PRKD1: variants seen among roughly 807,000 people sequenced by gnomAD.
PRKD1 encodes protein kinase D1, also known as serine/threonine-protein kinase D1.
A neutral mutation model predicts 95.9 loss-of-function variants in PRKD1; 63 were observed. The ratio of observed to expected loss-of-function variants is 0.66; its 90% CI spans 0.54 to 0.81. The LOEUF (loss-of-function observed/expected upper bound fraction) is 0.81, where lower values mean the gene tolerates loss of function less well. Ranked by LOEUF, PRKD1 falls within the 30% of genes least tolerant of loss-of-function variation. The pLI, the probability that PRKD1 is intolerant of heterozygous loss-of-function variation, is 0.00. For missense variants in PRKD1, 1,048 were observed against 1,165.3 expected (o/e 0.90, Z 1.47); for synonymous variants, 425 against 423.1 (o/e 1.00, Z -0.05).
intron 1 of PRKD1, among the ~76,000 whole-genome samples, chr14:29,804,173 C>T (rs774738830): frequency 6.8e-6 from 1 of 147,916 alleles, no homozygotes. Context: ...ACTCAGAAGG[C>T]GAAGGTTGCA....
chr14:29,688,625 A>G (rs939861151), intron 2 of PRKD1, among the ~76,000 whole-genome samples: 1 of 152,112 alleles, frequency 6.6e-6, no homozygotes, highest in Non-Finnish European at 1.5e-5. Context: ...TTAAGTCAAG[A>G]TGGATTAAAG....
At chr14:29,870,091 C>G (rs11847656) in intron 1 of PRKD1, among the ~76,000 whole-genome samples, 7,169 of 152,150 alleles carry the variant, frequency 0.047, 330 homozygotes, top group African/African-American at 0.12. Flanking sequence ...TCAGGTGAAA[C>G]CCTTGGTTCA....
intron 1 of PRKD1, among the ~76,000 whole-genome samples, chr14:29,897,769 T>C (rs78916685): frequency 0.021 from 3,240 of 152,234 alleles, 62 homozygotes; most frequent in East Asian, 0.093. Flanking sequence ...GTTGCTTCCA[T>C]ACAATCTCAT....
At chr14:29,878,607 C>T (rs1184946012) in intron 1 of PRKD1, among the ~76,000 whole-genome samples, 1 of 152,124 alleles carries the variant, frequency 6.6e-6, no homozygotes, top group Non-Finnish European at 1.5e-5. Flanking sequence ...CATGCTACAA[C>T]ATGGATGAGC....
intron 1 of PRKD1, among the ~76,000 whole-genome samples, chr14:29,751,765 C>T (rs921894255): frequency 1.3e-5 from 2 of 152,070 alleles, no homozygotes; most frequent in Non-Finnish European, 1.5e-5. Context: ...ACTCTGACTT[C>T]GAGATTGGCC....
At chr14:29,755,527 AC>A (rs1422390162) in intron 1 of PRKD1, among the ~76,000 whole-genome samples, 1 of 152,130 alleles carries the variant, frequency 6.6e-6, no homozygotes, top group Non-Finnish European at 1.5e-5. Flanking sequence ...AAACAAACTT[AC>A]CCCTGGTTGA....
intron 1 of PRKD1, among the ~76,000 whole-genome samples, chr14:29,823,358 C>T (rs929282832): frequency 6.6e-6 from 1 of 152,084 alleles, no homozygotes; most frequent in African/African-American, 2.4e-5. Flanking sequence ...AATTCACAAG[C>T]TGTTATTTTT....
intron 13 of PRKD1, among the ~76,000 whole-genome samples, chr14:29,618,390 G>C (rs1594366163): frequency 6.6e-6 from 1 of 151,988 alleles, no homozygotes; most frequent in African/African-American, 2.4e-5. Flanking sequence ...TGAGTAGCTG[G>C]GACTACAGAT....
intron 13 of PRKD1, among the ~76,000 whole-genome samples, chr14:29,604,113 A>G (rs1457501401): frequency 2.0e-5 from 3 of 152,220 alleles, no homozygotes; most frequent in Non-Finnish European, 4.4e-5. Flanking sequence ...AAGAAAATAA[A>G]GAATTGACTA....
At chr14:29,744,784 T>C (rs1594478345) in intron 1 of PRKD1, among the ~76,000 whole-genome samples, 1 of 152,138 alleles carries the variant, frequency 6.6e-6, no homozygotes, top group East Asian at 1.9e-4. Flanking sequence ...TAGCCTCAGG[T>C]GATCCACCCG....
intron 1 of PRKD1, among the ~76,000 whole-genome samples, chr14:29,865,026 C>T (rs151175066): frequency 1.3e-5 from 2 of 152,262 alleles, no homozygotes; most frequent in African/African-American, 4.8e-5. Flanking sequence ...TTTTCTGAGA[C>T]ACAAGTCACA....
chr14:29,885,804 TAAAAAA>T (rs759317394), intron 1 of PRKD1, among the ~76,000 whole-genome samples: 3,339 of 53,460 alleles, frequency 0.062, 223 homozygotes, highest in African/African-American at 0.19. Context: ...CCATCTTTAC[TAAAAAA>T]AAAAAAAAAA....
At chr14:29,823,785 C>A (rs999968384) in intron 1 of PRKD1, among the ~76,000 whole-genome samples, 2 of 152,090 alleles carry the variant, frequency 1.3e-5, no homozygotes, top group Non-Finnish European at 2.9e-5. Context: ...TGTAAAAATT[C>A]CAAAATATTA....
chr14:29,899,614 T>A (rs549992640), intron 1 of PRKD1, among the ~76,000 whole-genome samples: 1 of 152,174 alleles, frequency 6.6e-6, no homozygotes, highest in Non-Finnish European at 1.5e-5. Flanking sequence ...GCCACTGCAC[T>A]CCATACTGGG....
chr14:29,618,258 A>AT (rs34749231), intron 13 of PRKD1, among the ~76,000 whole-genome samples: 1,515 of 145,482 alleles, frequency 0.01, 27 homozygotes, highest in African/African-American at 0.028. Context: ...ATCTACATTC[A>AT]TTTTTTTTTT....
chr14:29,697,141 GT>G (rs1392295472), intron 2 of PRKD1, among the ~76,000 whole-genome samples: 12 of 149,468 alleles, frequency 8.0e-5, no homozygotes, highest in African/African-American at 3.0e-4. Flanking sequence ...CCGACAGTTT[GT>G]AACCACATGT....
chr14:29,583,351 G>A (rs1291643523), intron 16 of PRKD1, among the ~76,000 whole-genome samples: 1 of 152,010 alleles, frequency 6.6e-6, no homozygotes, highest in Non-Finnish European at 1.5e-5. Context: ...TATTCTCTTG[G>A]GTTCCCTGTA....
intron 1 of PRKD1, among the ~76,000 whole-genome samples, chr14:29,827,182 TACTC>T (rs1431868732): frequency 4.0e-5 from 6 of 151,774 alleles, no homozygotes; most frequent in Non-Finnish European, 7.4e-5. Flanking sequence ...CTAAATAACT[TACTC>T]ATGTAACCAA....
At chr14:29,736,332 A>G (rs1252244914) in intron 1 of PRKD1, among the ~76,000 whole-genome samples, 7 of 152,230 alleles carry the variant, frequency 4.6e-5, no homozygotes, top group Admixed American at 2.6e-4. Flanking sequence ...AATAAAACTT[A>G]GCAAAATCGT....
Sources: allele counts gnomAD v4.1 joint callset (sites outside exome capture counted in the v4.1 genomes callset), GRCh38; gene constraint gnomAD v4.1.1; transcripts MANE v1.5; gene names NCBI Gene and HGNC (gene_info 2026-07-23, HGNC 2026-07-21).